The following MGA variants were observed in gnomAD, a reference collection of about 807,000 sequenced individuals.
MGA encodes the protein MAX dimerization protein MGA, also known as MAX gene-associated protein.
Under a neutral mutation model 261.1 loss-of-function variants are expected in MGA, and 40 were observed. The ratio of observed to expected loss-of-function variants is 0.15; its 90% CI spans 0.12 to 0.20. The LOEUF (loss-of-function observed/expected upper bound fraction) is 0.20. Ranked by LOEUF, MGA falls within the 10% of genes least tolerant of loss-of-function variation. MGA has a pLI of 1.00. For synonymous variants in MGA, 1,302 were observed against 1,290.6 expected (o/e 1.01, Z -0.19); for missense variants, 3,397 against 3,630.5 (o/e 0.94, Z 1.65).
At position 41,715,251 on chromosome 15, in the gene MGA, G is replaced by A. The variant is rs549144778; in HGVS notation, c.3430+1755G>A. ...TGCAACCTCCACCTCTTGGGTTCAA[G>A]CAATTCTTCTGCCTCAGCCTCCCAA... On this transcript the variant is annotated intron_variant, in intron 9 of 23. Transcript: ENST00000219905. Among the ~76,000 whole-genome samples, 336 of 150,984 alleles carry A rather than the reference G, an allele frequency of 2.2e-3. 1 individual carries two copies. The highest frequency in any genetic ancestry group is 7.7e-3 in the African/African-American group (316 of 41,254).
intron 9 of MGA, among the ~76,000 whole-genome samples, chr15:41,717,187 T>C (rs1209472000): frequency 6.6e-6 from 1 of 152,178 alleles, no homozygotes; most frequent in East Asian, 1.9e-4. Flanking sequence ...GCCTCCTTGT[T>C]GTAGACCCCA....
chr15:41,740,798 G>T (rs1337310475), intron 14 of MGA, among the ~76,000 whole-genome samples: 1 of 152,164 alleles, frequency 6.6e-6, no homozygotes, highest in Non-Finnish European at 1.5e-5. Flanking sequence ...AATTTTGAAA[G>T]TGTTGATTTA....
In MGA at chr15:41,742,895, C is replaced by G. The variant is rs370568532; in HGVS notation, c.4935C>G (p.Thr1645=). 1.2e-6 allele frequency: 2 copies of G among 1,613,870 alleles called. No individual in the cohort carries two copies. Among genetic ancestry groups the G allele is most frequent in the African/African-American group, 2.7e-5 (2 of 74,918 alleles). The change falls in exon 15 of 24, where the codon ACC becomes ACG. Residue 1645 remains threonine (T), a synonymous_variant. Transcript: ENST00000219905. ...TTGTTGAGGTCTCTGAAACTAATAC[C>G]AGCACCTCTGTAACATCTACCCAGT...
At chr15:41,634,061 G>T (rs1172411164) in intron 1 of MGA, among the ~76,000 whole-genome samples, 3 of 152,048 alleles carry the variant, frequency 2.0e-5, no homozygotes, top group African/African-American at 7.2e-5. Context: ...TTCAGATTTT[G>T]ATTTGAATGC....
At position 41,713,479 on chromosome 15, in the gene MGA, G is replaced by C; in HGVS notation, c.3413G>C (p.Arg1138Thr). The C allele has an allele frequency of 6.5e-7, 1 of 1,547,062 alleles. No individual in the cohort carries two copies. Among genetic ancestry groups the C allele is most frequent in the Non-Finnish European group, 8.7e-7 (1 of 1,146,564 alleles). Residue 1138 changes from arginine (R) to threonine (T), a missense_variant, in exon 9 of 24, where the codon AGA becomes ACA. Transcript: ENST00000219905. Reference sequence around the variant, plus strand: ...GAACAATTGAAAGAGAAAAAGAAGAGAAAGAAGCTAGAATACAGTGAGTAT... The same window carrying C: ...GAACAATTGAAAGAGAAAAAGAAGACAAAGAAGCTAGAATACAGTGAGTAT...
chr15:41,759,241 C>G (rs1475806338), intron 19 of MGA, among the ~76,000 whole-genome samples: 1 of 152,034 alleles, frequency 6.6e-6, no homozygotes, highest in Non-Finnish European at 1.5e-5. Context: ...GTGATGTGAG[C>G]TAAATCCTCT....
At chr15:41,704,847 G>C (rs1383415978) in intron 5 of MGA, among the ~76,000 whole-genome samples, 1 of 152,072 alleles carries the variant, frequency 6.6e-6, no homozygotes, top group African/African-American at 2.4e-5. Flanking sequence ...AGGTGAATCT[G>C]TCTTTGCTTG....
chr15:41,694,532 C>T (rs1595750466), intron 2 of MGA, among the ~76,000 whole-genome samples: 1 of 143,924 alleles, frequency 6.9e-6, no homozygotes. Context: ...GGCTTTTTTT[C>T]TTTTTTTTTT....
At chr15:41,717,039 A>G (rs1375750025) in intron 9 of MGA, among the ~76,000 whole-genome samples, 2 of 152,204 alleles carry the variant, frequency 1.3e-5, no homozygotes, top group Non-Finnish European at 2.9e-5. Flanking sequence ...AGGAGGCTTC[A>G]TTCTCCATTT....
chr15:41,745,281 T>TAAAAA (rs71108126), intron 15 of MGA, among the ~76,000 whole-genome samples: 1 of 33,240 alleles, frequency 3.0e-5, no homozygotes, highest in African/African-American at 8.3e-5. Context: ...GAATGATCAA[T>TAAAAA]AAAAAAAAAA....
intron 22 of MGA, among the ~76,000 whole-genome samples, chr15:41,762,813 A>G (rs1003904984): frequency 2.0e-5 from 3 of 152,052 alleles, no homozygotes; most frequent in Non-Finnish European, 4.4e-5. Context: ...GGGTTGTATA[A>G]AAAGTAGAAT....
intron 9 of MGA, chr15:41,718,324 T>C (rs973417439): frequency 2.8e-5 from 7 of 250,658 alleles, no homozygotes; most frequent in East Asian, 5.4e-5. Flanking sequence ...TATATATACA[T>C]ATATATATAC....
Position 41,734,471 on chromosome 15 carries a change from G to C in MGA, c.3844-51G>C, listed in dbSNP as rs1254376928. On this transcript the variant is annotated intron_variant, in intron 11 of 23. Transcript: ENST00000219905. ...AATGCTTGTGTCCAAGTTTCTGTGG[G>C]TATTGAATATATGTTAAGTTAAAGT... 3.6e-6 allele frequency: 5 copies of C among 1,373,340 alleles called. No homozygotes were observed. In the Admixed American group the frequency reaches 1.0e-4, roughly 28 times the overall value. 85.1% of individuals were successfully genotyped at this position (1,373,340 alleles called of 1,614,324 possible).
At chr15:41,663,889 A>G (rs1339684725) in intron 1 of MGA, among the ~76,000 whole-genome samples, 1 of 152,198 alleles carries the variant, frequency 6.6e-6, no homozygotes, top group Non-Finnish European at 1.5e-5. Context: ...TTGATTAGAA[A>G]ATTCAAATGT....
chr15:41,676,025 T>C (rs1282520380), intron 2 of MGA, among the ~76,000 whole-genome samples: 2 of 152,234 alleles, frequency 1.3e-5, no homozygotes, highest in Non-Finnish European at 2.9e-5. Flanking sequence ...AGCTTTTCCA[T>C]GTGTGACATA....
rs541879397 is a variant in MGA at position 41,669,863 on chromosome 15, G to A, written c.969G>A (p.Lys323=). ...AAACATCAGGCAAGGGTTTGGAGAAGACTTCCCTTAATATAAAACGAGACT... is the reference window on the plus strand; with the variant it reads ...AAACATCAGGCAAGGGTTTGGAGAAAACTTCCCTTAATATAAAACGAGACT... The change falls in exon 2 of 24, where the codon AAG becomes AAA. Residue 323 remains lysine (K), a synonymous_variant. Coordinates refer to ENST00000219905, the MANE Select transcript of MGA (RefSeq NM_001164273.2). The A allele has an allele frequency of 8.1e-6, 13 of 1,613,874 alleles. No individual in the cohort carries two copies. The highest frequency in any genetic ancestry group is 2.2e-5 in the South Asian group (2 of 91,082).
At chr15:41,661,555 G>A (rs1035689930) in intron 1 of MGA, among the ~76,000 whole-genome samples, 2 of 152,136 alleles carry the variant, frequency 1.3e-5, no homozygotes, top group African/African-American at 4.8e-5. Flanking sequence ...GAAAGGAGGG[G>A]TTACTGATGG....
Position 41,718,320 on chromosome 15 carries a change from T to C in MGA, c.3430+4824T>C, listed in dbSNP as rs567137094. On this transcript the variant is annotated intron_variant, in intron 9 of 23. Coordinates refer to ENST00000219905, the MANE Select transcript of MGA (RefSeq NM_001164273.2). ...GTGTGTGTATATATATATATATATA[T>C]ACATATATATATACATGTATAGTAT... The C allele has an allele frequency of 4.2e-3, 1,009 of 239,036 alleles. 11 individuals carry two copies. Among genetic ancestry groups the C allele is most frequent in the African/African-American group, 0.016 (667 of 42,240 alleles). 14.8% of individuals were successfully genotyped at this position (239,036 alleles called of 1,614,324 possible). A position where few individuals can be genotyped will look rare whatever the true frequency, so the allele number is the denominator to read the frequency against.
chr15:41,660,649 C>G (rs1393309484), intron 1 of MGA, 124 bp downstream of exon 1: 2 of 152,618 alleles, frequency 1.3e-5, no homozygotes, highest in African/African-American at 4.8e-5. Context: ...GCTTCGCACG[C>G]CCTCGCCAGG....
Sources: gnomAD v4.1 joint callset for allele counts (sites outside exome capture counted in the v4.1 genomes callset) on GRCh38, gnomAD v4.1.1 for gene constraint, MANE v1.5 for transcripts, NCBI Gene and HGNC (gene_info 2026-07-23, HGNC 2026-07-21) for gene names.